The following MYH10 variants were observed in gnomAD, a reference collection of about 807,000 sequenced individuals.
MYH10 encodes the protein myosin-10.
A neutral mutation model predicts 257.8 loss-of-function variants in MYH10; 55 were observed. That is an observed-to-expected ratio of 0.21 (90% CI 0.17 to 0.27). MYH10 has a LOEUF of 0.27. Ranked by LOEUF, MYH10 falls within the 10% of genes least tolerant of loss-of-function variation. The pLI is 1.00. For synonymous variants in MYH10, 854 were observed against 921.7 expected, an observed-to-expected ratio of 0.93 and a Z score of 1.33; for missense variants, 1,631 against 2,500.6, an observed-to-expected ratio of 0.65 and a Z score of 7.42.
intron 7 of MYH10, among the ~76,000 whole-genome samples, chr17:8,555,326 A>G (rs1054217790): frequency 6.6e-6 from 1 of 152,180 alleles, no homozygotes; most frequent in East Asian, 1.9e-4. Flanking sequence ...AAAAGGACTT[A>G]GACTAATCAC....
intron 34 of MYH10, 132 bp downstream of exon 34, chr17:8,492,165 A>T: frequency 1.2e-6 from 1 of 845,364 alleles, no homozygotes; most frequent in East Asian, 2.4e-5. Context: ...ACACTCCTAG[A>T]TGGCTTTGCT....
At position 8,623,123 on chromosome 17, in the gene MYH10, G is replaced by A; in HGVS notation, c.124C>T (p.Arg42Cys). ...AKKLVWIPSE[R>C]HGFEAASIKE... Reference sequence around the variant, plus strand: ...ATACTAGCTGCCTCAAAACCATGGCGTTCTGATGGAATCCACACTAGCTTT... The same window carrying A: ...ATACTAGCTGCCTCAAAACCATGGCATTCTGATGGAATCCACACTAGCTTT... The change falls in exon 2 of 43, where the codon CGC becomes TGC. Residue 42 changes from arginine to cysteine, a missense_variant. Coordinates refer to ENST00000360416, the MANE Select transcript of MYH10 (RefSeq NM_001256012.3). 2.5e-6 allele frequency: 4 copies of A among 1,613,912 alleles called. No individual in the cohort carries two copies. Among genetic ancestry groups the A allele is most frequent in the Non-Finnish European group, 3.4e-6 (4 of 1,179,984 alleles).
At chr17:8,488,269 T>C (rs982677955) in intron 35 of MYH10, among the ~76,000 whole-genome samples, 1 of 152,126 alleles carries the variant, frequency 6.6e-6, no homozygotes, top group Non-Finnish European at 1.5e-5. Flanking sequence ...GGAACTGTGC[T>C]CACACTGTGT....
At chr17:8,503,491 C>T (rs1014606459) in intron 28 of MYH10, among the ~76,000 whole-genome samples, 4 of 152,070 alleles carry the variant, frequency 2.6e-5, no homozygotes, top group Admixed American at 6.5e-5. Context: ...TTCTCCAGCA[C>T]GGAGAGCCTC....
intron 35 of MYH10, among the ~76,000 whole-genome samples, chr17:8,488,469 A>G (rs1381311585): frequency 1.3e-5 from 2 of 152,240 alleles, no homozygotes; most frequent in Non-Finnish European, 2.9e-5. Flanking sequence ...TTATTCAGCC[A>G]TAAATGAATG....
intron 2 of MYH10, among the ~76,000 whole-genome samples, chr17:8,614,241 GA>G (rs2085155790): frequency 6.7e-6 from 1 of 150,204 alleles, no homozygotes; most frequent in Non-Finnish European, 1.5e-5. Context: ...ACCAAGGGGG[GA>G]ATCTATTAGA....
At chr17:8,554,545 G>T (rs565608661) in intron 7 of MYH10, among the ~76,000 whole-genome samples, 2 of 152,180 alleles carry the variant, frequency 1.3e-5, no homozygotes, top group East Asian at 3.9e-4. Flanking sequence ...AGGAATATTT[G>T]ATTTCTTTAC....
At chr17:8,494,999 G>C (rs193078570) in intron 31 of MYH10, 138 bp downstream of exon 31, 1 of 617,288 alleles carries the variant, frequency 1.6e-6, no homozygotes, top group Admixed American at 2.8e-5. Context: ...GAGTAGCAAG[G>C]CTGGCTCCAA....
intron 21 of MYH10, among the ~76,000 whole-genome samples, chr17:8,517,719 C>G (rs1181050789): frequency 6.6e-6 from 1 of 152,212 alleles, no homozygotes; most frequent in African/African-American, 2.4e-5. Flanking sequence ...ATTCTGCCTA[C>G]CGCAGCCAGG....
intron 3 of MYH10, among the ~76,000 whole-genome samples, chr17:8,603,776 T>C (rs1349979337): frequency 3.3e-5 from 5 of 152,288 alleles, no homozygotes; most frequent in Admixed American, 6.5e-5. Context: ...AGAAATTGTA[T>C]TGAACTCCAA....
rs750964095 is a variant in MYH10, at chr17:8,480,418, C to T, written c.5372G>A (p.Arg1791His). ...ATGGGCCACCTGTAGAGTGGTCTTGCGGAAGCGGTCGTTGAGCAGCTCCAT... is the reference window on the plus strand; with the variant it reads ...ATGGGCCACCTGTAGAGTGGTCTTGTGGAAGCGGTCGTTGAGCAGCTCCAT... The part of the protein sequence containing the change: ...SNMELLNDRF[R>H]KTTLQVDTLN... Residue 1791 changes from arginine (R) to histidine (H), a missense_variant, in exon 39 of 43, where the codon CGC becomes CAC. Physicochemically the swap from Arg to His is conservative, Grantham distance 29 (BLOSUM62 0). Transcript: ENST00000360416. 66 of 1,613,158 alleles carry T rather than the reference C, an allele frequency of 4.1e-5. No individual in the cohort carries two copies. The highest frequency in any genetic ancestry group is 1.6e-4 in the Middle Eastern group (1 of 6,082).
At chr17:8,479,983 G>T in intron 40 of MYH10, 127 bp downstream of exon 40, 2 of 853,628 alleles carry the variant, frequency 2.3e-6, no homozygotes, top group Non-Finnish European at 3.6e-6. Context: ...CAACTTCTGT[G>T]TCCCACTCTG....
At chr17:8,525,422 C>A (rs2081810343) in intron 17 of MYH10, among the ~76,000 whole-genome samples, 1 of 152,264 alleles carries the variant, frequency 6.6e-6, no homozygotes. Flanking sequence ...GGCCCCCCAA[C>A]CATCAGCGGA....
intron 9 of MYH10, among the ~76,000 whole-genome samples, chr17:8,549,117 C>T (rs1305151554): frequency 6.6e-6 from 1 of 152,190 alleles, no homozygotes; most frequent in Non-Finnish European, 1.5e-5. Context: ...CTATTGTTTT[C>T]AGATTTAAAT....
At chr17:8,514,270 C>T (rs1453049069) in intron 21 of MYH10, among the ~76,000 whole-genome samples, 1 of 152,216 alleles carries the variant, frequency 6.6e-6, no homozygotes, top group Non-Finnish European at 1.5e-5. Context: ...CTCTCTTTAT[C>T]GTGCCTTTAG....
chr17:8,616,129 A>G (rs898158369), intron 2 of MYH10, among the ~76,000 whole-genome samples: 1 of 152,110 alleles, frequency 6.6e-6, no homozygotes, highest in African/African-American at 2.4e-5. Context: ...ACAAAAATAC[A>G]AAAATCAGCC....
rs1914631272 is a variant in MYH10, at chr17:8,485,591, CA to C, written c.5047-1326del. Among the ~76,000 whole-genome samples, 3 of 151,664 alleles carry C rather than the reference CA, an allele frequency of 2.0e-5. No individual in the cohort carries two copies. The South Asian group carries it at 6.3e-4, about 32-fold the overall frequency. On this transcript the variant is annotated intron_variant, in intron 36 of 42. Transcript: ENST00000360416. Reference sequence around the variant, plus strand: ...AAAAGAGAGCTCAGCTGTTTAACCTCATTAGTCATTAGAGAAATAAAAATAA... The same window carrying C: ...AAAAGAGAGCTCAGCTGTTTAACCTCTTAGTCATTAGAGAAATAAAAATAA...
In MYH10 at chr17:8,575,936, A is replaced by G. The variant is rs796776846; in HGVS notation, c.663+707T>C. On this transcript the variant is annotated intron_variant, in intron 6 of 42. Transcript: ENST00000360416. ...AGGCATCTGATAACTAGGAAGAATA[A>G]CAGTCTTCCACTACTTGCCCAGCAT... is the stretch of plus-strand genomic sequence containing the variant. Among the ~76,000 whole-genome samples the G allele has an allele frequency of 5.3e-5, 8 of 152,322 alleles. No homozygotes were observed. In the South Asian group the frequency reaches 1.7e-3, roughly 32 times the overall value.
chr17:8,551,916 C>A (rs1377804150), intron 9 of MYH10, 130 bp downstream of exon 9: 2 of 445,064 alleles, frequency 4.5e-6, no homozygotes, highest in Non-Finnish European at 8.0e-6. Flanking sequence ...TTTTGATTTT[C>A]ATGATTTAAC....
Sources: allele counts gnomAD v4.1 joint callset (sites outside exome capture counted in the v4.1 genomes callset), GRCh38; gene constraint gnomAD v4.1.1; transcripts MANE v1.5; gene names NCBI Gene and HGNC (gene_info 2026-07-23, HGNC 2026-07-21).